Variants in ENOX1 observed in about 807,000 individuals in gnomAD.
The protein encoded by ENOX1 is candidate growth-related and time keeping constitutive hydroquinone (NADH) oxidase.
A neutral mutation model predicts 82.5 loss-of-function variants in ENOX1; 42 were observed. That is an observed-to-expected ratio of 0.51 (90% CI 0.40 to 0.66). The LOEUF is 0.66. ENOX1 is among the 30% of genes least tolerant of loss of function. ENOX1 has a pLI of 0.00. For missense variants in ENOX1, 608 were observed against 811.6 expected, an observed-to-expected ratio of 0.75 and a Z score of 3.05; for synonymous variants, 271 against 282.2, an observed-to-expected ratio of 0.96 and a Z score of 0.40.
At chr13:43,277,197 T>C (rs943398757) in intron 12 of ENOX1, among the ~76,000 whole-genome samples, 3 of 152,244 alleles carry the variant, frequency 2.0e-5, no homozygotes, top group Non-Finnish European at 4.4e-5. Context: ...TCAATTCCTC[T>C]AGGCCTTTAA....
chr13:43,333,232 T>C (rs1483712501), intron 9 of ENOX1, among the ~76,000 whole-genome samples: 1 of 152,238 alleles, frequency 6.6e-6, no homozygotes, highest in Non-Finnish European at 1.5e-5. Flanking sequence ...CCTGAATTTT[T>C]AATTTTGAAA....
intron 1 of ENOX1, among the ~76,000 whole-genome samples, chr13:43,725,241 G>A (rs1566835218): frequency 6.6e-6 from 1 of 152,042 alleles, no homozygotes; most frequent in Non-Finnish European, 1.5e-5. Context: ...ACCAAATAGG[G>A]TCTCCCTTCC....
intron 1 of ENOX1, among the ~76,000 whole-genome samples, chr13:43,689,105 G>A (rs996598087): frequency 1.3e-5 from 2 of 152,156 alleles, no homozygotes; most frequent in African/African-American, 2.4e-5. Flanking sequence ...AGCATTTGTA[G>A]GAGGTTTCTA....
chr13:43,437,120 C>T (rs1400080403), intron 3 of ENOX1, among the ~76,000 whole-genome samples: 1 of 151,970 alleles, frequency 6.6e-6, no homozygotes, highest in Admixed American at 6.6e-5. Flanking sequence ...TTAAAGTCTT[C>T]AAAAGAAGAA....
chr13:43,400,991 T>C (rs1018161058), intron 5 of ENOX1, among the ~76,000 whole-genome samples: 1 of 152,218 alleles, frequency 6.6e-6, no homozygotes, highest in African/African-American at 2.4e-5. Flanking sequence ...TTGGGTGAGT[T>C]AACTCACATC....
chr13:43,771,386 G>C (rs1292814018), intron 1 of ENOX1, among the ~76,000 whole-genome samples: 1 of 152,072 alleles, frequency 6.6e-6, no homozygotes, highest in Non-Finnish European at 1.5e-5. Flanking sequence ...ATCAGTAAAG[G>C]AGCCTTATTC....
intron 12 of ENOX1, among the ~76,000 whole-genome samples, chr13:43,271,898 G>GT (rs576540119): frequency 4.0e-5 from 6 of 151,592 alleles, no homozygotes; most frequent in Admixed American, 2.0e-4. Flanking sequence ...TGTTTTGTGT[G>GT]TTTTTTTATG....
At chr13:43,764,495 C>CTGTG (rs1951160418) in intron 1 of ENOX1, among the ~76,000 whole-genome samples, 1 of 152,146 alleles carries the variant, frequency 6.6e-6, no homozygotes, top group Admixed American at 6.5e-5. Context: ...TTAGCAGGGG[C>CTGTG]TGTGCAGACA....
At chr13:43,422,395 A>C (rs2055029445) in intron 3 of ENOX1, among the ~76,000 whole-genome samples, 1 of 152,230 alleles carries the variant, frequency 6.6e-6, no homozygotes, top group South Asian at 2.1e-4. Flanking sequence ...TGTTGGAAGA[A>C]AGGAAAAGTT....
chr13:43,755,476 T>C (rs1321906948), intron 1 of ENOX1, among the ~76,000 whole-genome samples: 1 of 152,200 alleles, frequency 6.6e-6, no homozygotes, highest in African/African-American at 2.4e-5. Context: ...CACTCCTGCA[T>C]GCTCTCTCTC....
chr13:43,223,460 G>A (rs1187734625), intron 16 of ENOX1, among the ~76,000 whole-genome samples: 1 of 152,196 alleles, frequency 6.6e-6, no homozygotes, highest in Non-Finnish European at 1.5e-5. Context: ...TGGGGTAGGA[G>A]TACAGCTAAT....
chr13:43,478,054 G>GT (rs756717438), intron 3 of ENOX1, among the ~76,000 whole-genome samples: 2,347 of 100,078 alleles, frequency 0.023, 125 homozygotes, highest in East Asian at 0.086. Context: ...AGCCAGAGAG[G>GT]TTTTTTTTTT....
intron 2 of ENOX1, among the ~76,000 whole-genome samples, chr13:43,605,423 T>C (rs1420127348): frequency 2.6e-5 from 4 of 152,126 alleles, no homozygotes; most frequent in African/African-American, 9.6e-5. Context: ...TATAGAGTTA[T>C]AATAACCAAA....
At chr13:43,378,080 T>C (rs1022821763) in intron 5 of ENOX1, among the ~76,000 whole-genome samples, 2 of 152,236 alleles carry the variant, frequency 1.3e-5, no homozygotes, top group African/African-American at 4.8e-5. Flanking sequence ...TGACTGGATA[T>C]GGTCTCCCAC....
intron 5 of ENOX1, among the ~76,000 whole-genome samples, chr13:43,373,138 G>A (rs1257365285): frequency 2.0e-5 from 3 of 151,642 alleles, no homozygotes; most frequent in Non-Finnish European, 4.4e-5. Context: ...GAGTGTACAT[G>A]TGCTACAAGA....
chr13:43,762,810 C>A (rs542519393), intron 1 of ENOX1, among the ~76,000 whole-genome samples: 40 of 152,198 alleles, frequency 2.6e-4, no homozygotes, highest in African/African-American at 9.1e-4. Context: ...ACATATGAAG[C>A]CTCTGAAGCA....
rs138278597 is a variant in ENOX1, at chr13:43,291,412, C to T, written c.1446+6934G>A. Among the ~76,000 whole-genome samples, 282 of 152,322 alleles carry T rather than the reference C, an allele frequency of 1.9e-3. 1 individual carries two copies. Among genetic ancestry groups the T allele is most frequent in the African/African-American group, 6.3e-3 (264 of 41,578 alleles). ...CTATCTTTGTTCCATATTTCAACCT[C>T]TTCATGTCACCTTTTCCTATTTGTC... is the stretch of plus-strand genomic sequence containing the variant. On this transcript the variant is annotated intron_variant, in intron 12 of 16. Transcript: ENST00000690772.
intron 2 of ENOX1, among the ~76,000 whole-genome samples, chr13:43,515,352 AT>A (rs1164782627): frequency 2.0e-5 from 3 of 152,030 alleles, no homozygotes; most frequent in African/African-American, 7.2e-5. Flanking sequence ...TCCCTAGGTA[AT>A]TTTCATTCAT....
At chr13:43,659,781 T>TGTTTCCTGGA (rs1254699773) in intron 2 of ENOX1, among the ~76,000 whole-genome samples, 45 of 152,306 alleles carry the variant, frequency 3.0e-4, no homozygotes, top group Non-Finnish European at 2.4e-4. Context: ...GTCCCAGGGA[T>TGTTTCCTGGA]GTTTCCTGGA....
Sources: allele counts gnomAD v4.1 joint callset (sites outside exome capture counted in the v4.1 genomes callset), GRCh38; gene constraint gnomAD v4.1.1; transcripts MANE v1.5; gene names NCBI Gene and HGNC (gene_info 2026-07-23, HGNC 2026-07-21).